Variants in TKTL1 observed in about 807,000 individuals in gnomAD.
The protein encoded by TKTL1 is transketolase-like protein 1.
TKTL1 carries 1 observed loss-of-function variant against 39.3 expected under a neutral mutation model. That is an observed-to-expected ratio of 0.03 (90% CI 0.01 to 0.12). The LOEUF is 0.12. Ranked by LOEUF, TKTL1 falls within the 10% of genes least tolerant of loss-of-function variation. The pLI, the probability that TKTL1 is intolerant of heterozygous loss-of-function variation, is 1.00. For missense variants in TKTL1, 575 were observed against 509.6 expected, an observed-to-expected ratio of 1.13 and a Z score of -1.24; for synonymous variants, 262 against 193.8, an observed-to-expected ratio of 1.35 and a Z score of -2.92.
In TKTL1 at chrX:154,315,285, A is replaced by T. The variant is rs782520963; in HGVS notation, c.977A>T (p.Asn326Ile). 1.7e-6 allele frequency: 2 copies of T among 1,211,480 alleles called. No individual in the cohort carries two copies. Among genetic ancestry groups the T allele is most frequent in the East Asian group, 3.0e-5 (1 of 33,853 alleles). ...TRYSTFSEIFNKEYPERFIEC... is the reference protein window; with the variant it reads ...TRYSTFSEIFIKEYPERFIEC... ...TACTCTACTTTCTCTGAGATATTCA[A>T]CAAGGAGTACCCTGAGCGCTTCATC... The change falls in exon 7 of 13, where the codon AAC becomes ATC. Residue 326 changes from asparagine (N) to isoleucine (I), a missense_variant. Coordinates refer to ENST00000369915, the MANE Select transcript of TKTL1 (RefSeq NM_012253.4).
chrX:154,307,742 A>G (rs782100624), intron 2 of TKTL1, among the ~76,000 whole-genome samples: 3 of 112,437 alleles, frequency 2.7e-5, no homozygotes, highest in Non-Finnish European at 5.6e-5. Flanking sequence ...TCGGTCCATT[A>G]TGTTATAGGA....
intron 10 of TKTL1, among the ~76,000 whole-genome samples, chrX:154,326,061 A>G (rs2067491425): frequency 8.9e-6 from 1 of 112,396 alleles, no homozygotes; most frequent in Non-Finnish European, 1.9e-5. Flanking sequence ...TACAGATCTA[A>G]GGCCAGGAAT....
chrX:154,296,097 C>T, intron 1 of TKTL1, 104 bp downstream of exon 1: 1 of 1,036,888 alleles, frequency 9.6e-7, no homozygotes, highest in Non-Finnish European at 1.3e-6. Flanking sequence ...CCTTCAGAGG[C>T]ACAATGGGCT....
chrX:154,304,001 G>A (rs1557166610), intron 1 of TKTL1, among the ~76,000 whole-genome samples: 1 of 110,868 alleles, frequency 9.0e-6, no homozygotes, highest in Non-Finnish European at 1.9e-5. Context: ...AGACACTGAT[G>A]CGTTGGGGGA....
intron 6 of TKTL1, among the ~76,000 whole-genome samples, chrX:154,314,964 G>C (rs782604517): frequency 9.0e-6 from 1 of 111,552 alleles, no homozygotes; most frequent in Non-Finnish European, 1.9e-5. Flanking sequence ...AGAAAAACTT[G>C]GGTGCCACAT....
chrX:154,312,751 C>A lies in TKTL1; in HGVS notation c.842C>A (p.Pro281His). ...NITDVRMTSP[P>H]DYRVGDKIAT... ...ACAGATGTAAGGATGACCTCTCCAC[C>A]TGATTACAGAGTTGGTGACAAGGTA... Residue 281 changes from proline to histidine, a missense_variant, in exon 6 of 13, where the codon CCT becomes CAT. Pro to His is a moderately conservative substitution (Grantham distance 77). Coordinates refer to ENST00000369915, the MANE Select transcript of TKTL1 (RefSeq NM_012253.4). The A allele has an allele frequency of 8.3e-7, 1 of 1,205,791 alleles. No homozygotes were observed. The highest frequency in any genetic ancestry group is 1.1e-6 in the Non-Finnish European group (1 of 892,729).
At position 154,310,760 on chromosome X, in the gene TKTL1, T is replaced by A. The variant is rs187745349; in HGVS notation, c.351-76T>A. On this transcript the variant is annotated intron_variant, in intron 3 of 12. Coordinates refer to ENST00000369915, the MANE Select transcript of TKTL1 (RefSeq NM_012253.4). ...CAGCAGCTCCAGTTGCGTCCGTTTC[T>A]CCTCCTGAAATGCATTTGTTTGGTT... The A allele has an allele frequency of 5.7e-5, 53 of 926,276 alleles. No homozygotes were observed. In the African/African-American group the frequency reaches 9.3e-4, roughly 16 times the overall value. 76.3% of individuals were successfully genotyped at this position (926,276 alleles called of 1,213,427 possible).
chrX:154,315,133 T>A (rs1348137988), intron 6 of TKTL1, 40 bp from the exon 7 acceptor site: 2 of 1,178,543 alleles, frequency 1.7e-6, no homozygotes, highest in Non-Finnish European at 2.3e-6. Flanking sequence ...TCTAAATGCA[T>A]TTGAAGAAAC....
At position 154,305,285 on chromosome X, in the gene TKTL1, T is replaced by A. The variant is rs1272517297; in HGVS notation, c.135-19T>A. On this transcript the variant is annotated intron_variant, in intron 1 of 12. Transcript: ENST00000369915. ...GCCAGTTGCTGTGAGAAATGACCAG[T>A]GTCATGTCTGTCTTTCAGCCACCCT... is the stretch of plus-strand genomic sequence containing the variant. 1.7e-6 allele frequency: 2 copies of A among 1,201,503 alleles called. No homozygotes were observed. The highest frequency in any genetic ancestry group is 3.5e-5 in the African/African-American group (2 of 57,394).
intron 10 of TKTL1, among the ~76,000 whole-genome samples, chrX:154,326,938 C>G (rs1259332182): frequency 8.9e-6 from 1 of 112,257 alleles, no homozygotes; most frequent in Non-Finnish European, 1.9e-5. Context: ...GAAACCCTTT[C>G]TGTACTATCA....
intron 7 of TKTL1, among the ~76,000 whole-genome samples, chrX:154,320,099 A>G (rs1557170265): frequency 8.9e-6 from 1 of 112,260 alleles, no homozygotes. Context: ...CACTGCAGAA[A>G]CCGAGAGGAG....
At chrX:154,327,446 A>C in intron 10 of TKTL1, 145 bp from the exon 11 acceptor site, 1 of 581,000 alleles carries the variant, frequency 1.7e-6, no homozygotes, top group Non-Finnish European at 3.1e-6. Flanking sequence ...CTGGCTTGTA[A>C]ATGCATCTGA....
intron 1 of TKTL1, among the ~76,000 whole-genome samples, chrX:154,298,391 ATAGC>A (rs1380686990): frequency 9.0e-6 from 1 of 111,410 alleles, no homozygotes; most frequent in Non-Finnish European, 1.9e-5. Context: ...CCATCTATTA[ATAGC>A]TAGTTTTGTT....
chrX:154,329,762 TCTA>T lies in TKTL1; in HGVS notation c.*77_*79del, dbSNP rs2067523419. 9.1e-7 allele frequency: 1 copy of T among 1,101,147 alleles called. No individual in the cohort carries two copies. Among genetic ancestry groups the T allele is most frequent in the African/African-American group, 1.8e-5 (1 of 54,850 alleles). 90.7% of individuals were successfully genotyped at this position (1,101,147 alleles called of 1,213,427 possible). On this transcript the variant is annotated 3_prime_UTR_variant, in exon 13 of 13. Transcript: ENST00000369915. ...TTGTTCCAAAACCATCATTTAAATCTCTACTGTCACATTTTGTTTCTTAAAAGC... is the reference window on the plus strand; with the variant it reads ...TTGTTCCAAAACCATCATTTAAATCTCTGTCACATTTTGTTTCTTAAAAGC...
chrX:154,297,830 G>A (rs1186820576), intron 1 of TKTL1, among the ~76,000 whole-genome samples: 3 of 111,517 alleles, frequency 2.7e-5, no homozygotes, highest in African/African-American at 6.5e-5. Flanking sequence ...CCAGCTACGC[G>A]GGGGACAGAG....
In TKTL1 at chrX:154,296,527, C is replaced by T. The variant is rs782769809; in HGVS notation, c.134+534C>T. On this transcript the variant is annotated intron_variant, in intron 1 of 12. Coordinates refer to ENST00000369915, the MANE Select transcript of TKTL1 (RefSeq NM_012253.4). ...CAAAAAATAAAAATAAAAAATGAGT[C>T]GGGCATGGGGGCGCACACCTGCACT... 6.4e-5 allele frequency among the ~76,000 whole-genome samples: 7 copies of T among 110,048 alleles called. No individual in the cohort carries two copies. The South Asian group carries it at 1.2e-3, about 18-fold the overall frequency.
At chrX:154,308,507 A>G (rs1458908587) in intron 2 of TKTL1, among the ~76,000 whole-genome samples, 1 of 111,894 alleles carries the variant, frequency 8.9e-6, no homozygotes, top group Non-Finnish European at 1.9e-5. Context: ...TTCAGTTTTA[A>G]CAGGCTCCCC....
At chrX:154,319,571 C>A (rs2283761) in intron 7 of TKTL1, among the ~76,000 whole-genome samples, 72 of 110,209 alleles carry the variant, frequency 6.5e-4, no homozygotes, top group African/African-American at 2.3e-3. Context: ...AAACCTCGTC[C>A]CTACTAAAAA....
intron 3 of TKTL1, among the ~76,000 whole-genome samples, chrX:154,310,434 C>T (rs995105891): frequency 1.8e-5 from 2 of 112,112 alleles, no homozygotes; most frequent in African/African-American, 3.2e-5. Context: ...CTGCCTCAAA[C>T]AAACAAACAA....
Sources: gnomAD v4.1 joint callset for allele counts (sites outside exome capture counted in the v4.1 genomes callset) on GRCh38, gnomAD v4.1.1 for gene constraint, MANE v1.5 for transcripts, NCBI Gene and HGNC (gene_info 2026-07-23, HGNC 2026-07-21) for gene names.